Variants in CALN1 observed in about 807,000 individuals in gnomAD.
The protein encoded by CALN1 is calneuron 1.
CALN1 carries 17 observed loss-of-function variants against 30.6 expected under a neutral mutation model. The ratio of observed to expected loss-of-function variants is 0.56; its 90% CI spans 0.38 to 0.83. The LOEUF (loss-of-function observed/expected upper bound fraction) is 0.83, where lower values mean the gene tolerates loss of function less well. Among genes scored for constraint, CALN1 ranks in the 40% least tolerant of loss-of-function variants. CALN1 has a pLI of 0.00. For missense variants in CALN1, 291 were observed against 354.9 expected (o/e 0.82, Z 1.45); for synonymous variants, 156 against 131.4 (o/e 1.19, Z -1.28).
chr7:72,338,193 C>T (rs1159448472), intron 2 of CALN1, among the ~76,000 whole-genome samples: 1 of 152,170 alleles, frequency 6.6e-6, no homozygotes, highest in Admixed American at 6.5e-5. Context: ...GAAAGAGCAA[C>T]AAACCTGGCC....
intron 2 of CALN1, among the ~76,000 whole-genome samples, chr7:72,352,388 C>CAAAAAAAA: frequency 1.2e-5 from 1 of 82,032 alleles, no homozygotes; most frequent in Non-Finnish European, 2.2e-5. Flanking sequence ...GACTCTGTCT[C>CAAAAAAAA]AAAAAAAAAA....
At chr7:72,447,231 T>A (rs1271438501), upstream of CALN1, 1 of 152,480 alleles carries the variant, frequency 6.6e-6, no homozygotes, top group Non-Finnish European at 1.5e-5. Flanking sequence ...GAGTCCCAAT[T>A]TGAAGGGTGC....
chr7:72,411,034 G>A (rs866293230), intron 1 of CALN1, among the ~76,000 whole-genome samples: 5 of 152,118 alleles, frequency 3.3e-5, no homozygotes, highest in Non-Finnish European at 4.4e-5. Flanking sequence ...AATAATAGGT[G>A]AATTTAGTAA....
chr7:71,920,664 C>T (rs1794899384), intron 5 of CALN1, among the ~76,000 whole-genome samples: 1 of 152,100 alleles, frequency 6.6e-6, no homozygotes, highest in Non-Finnish European at 1.5e-5. Context: ...GGACAGTTTC[C>T]TCAGTTGTAA....
rs1412200030 is a variant in CALN1, at chr7:72,107,485, T to C, written c.245-1191A>G. On this transcript the variant is annotated intron_variant, in intron 3 of 6. Coordinates refer to ENST00000395275, the MANE Select transcript of CALN1 (RefSeq NM_031468.4). ...GACTCTGCGGTCAGCAAGGGCTGTT[T>C]CACTTGGCAGGCAATCTCTCCTCTT... Among the ~76,000 whole-genome samples, 9 of 152,246 alleles carry C rather than the reference T, an allele frequency of 5.9e-5. No homozygotes were observed. In the East Asian group the frequency reaches 1.5e-3, roughly 26 times the overall value.
intron 2 of CALN1, among the ~76,000 whole-genome samples, chr7:72,344,668 A>T (rs960051056): frequency 6.8e-6 from 1 of 146,862 alleles, no homozygotes; most frequent in African/African-American, 2.5e-5. Context: ...ATAAATATAT[A>T]TTTTATTTAT....
At chr7:71,839,913 C>T (rs903535390) in intron 5 of CALN1, among the ~76,000 whole-genome samples, 3 of 152,132 alleles carry the variant, frequency 2.0e-5, no homozygotes, top group African/African-American at 7.2e-5. Flanking sequence ...AGGTGGACCC[C>T]TCTCTCTATG....
intron 4 of CALN1, among the ~76,000 whole-genome samples, chr7:72,076,783 G>C (rs1804775569): frequency 6.6e-6 from 1 of 152,008 alleles, no homozygotes; most frequent in African/African-American, 2.4e-5. Flanking sequence ...ACCAATTCCA[G>C]GTTGGGTGAA....
chr7:72,065,178 C>T (rs1803938544), intron 4 of CALN1, among the ~76,000 whole-genome samples: 1 of 149,592 alleles, frequency 6.7e-6, no homozygotes. Flanking sequence ...ATTTTAATGA[C>T]CTTTATCACC....
At chr7:72,403,982 T>C (rs537440127) in intron 1 of CALN1, among the ~76,000 whole-genome samples, 2 of 152,294 alleles carry the variant, frequency 1.3e-5, no homozygotes, top group South Asian at 4.1e-4. Context: ...GCATCCAAGA[T>C]GGCATCCCAT....
intron 2 of CALN1, among the ~76,000 whole-genome samples, chr7:72,393,562 G>A (rs4415209): frequency 0.59 from 89,242 of 151,992 alleles, 27,950 homozygotes; most frequent in African/African-American, 0.81. Context: ...ATAAAGCAAG[G>A]AGGACACTGC....
At chr7:72,156,094 A>G (rs950838791) in intron 3 of CALN1, among the ~76,000 whole-genome samples, 12 of 152,142 alleles carry the variant, frequency 7.9e-5, no homozygotes, top group Admixed American at 3.3e-4. Context: ...ACATCTTTGC[A>G]GGGGCCATCA....
At chr7:72,209,949 C>G (rs930456729) in intron 3 of CALN1, among the ~76,000 whole-genome samples, 1 of 152,108 alleles carries the variant, frequency 6.6e-6, no homozygotes, top group Non-Finnish European at 1.5e-5. Context: ...ATACTTCAAT[C>G]AAAAGTTCTA....
chr7:72,245,209 C>T (rs1311211153), intron 3 of CALN1, among the ~76,000 whole-genome samples: 1 of 152,180 alleles, frequency 6.6e-6, no homozygotes, highest in Non-Finnish European at 1.5e-5. Context: ...GCAGGCAGCC[C>T]AGCCCCGCCC....
chr7:71,982,099 G>A (rs1798429295), intron 5 of CALN1, among the ~76,000 whole-genome samples: 1 of 151,920 alleles, frequency 6.6e-6, no homozygotes, highest in South Asian at 2.1e-4. Flanking sequence ...TGTGATTATC[G>A]ACTGGCTGTT....
intron 2 of CALN1, among the ~76,000 whole-genome samples, chr7:72,305,673 A>T (rs1799598032): frequency 6.6e-6 from 1 of 152,220 alleles, no homozygotes; most frequent in South Asian, 2.1e-4. Context: ...AGAGTTCTCT[A>T]GAACAGCACT....
chr7:72,061,275 G>A (rs1464968633), intron 4 of CALN1, among the ~76,000 whole-genome samples: 2 of 152,136 alleles, frequency 1.3e-5, no homozygotes, highest in Admixed American at 6.6e-5. Flanking sequence ...AATTTGACCT[G>A]TATAAGAAAA....
Position 72,278,725 on chromosome 7 carries a change from T to G in CALN1, c.205A>C (p.Ser69Arg), listed in dbSNP as rs1047500611. ...ACGGAGATATTAGCCAGCTGTTCGC[T>G]GTCACTGCCAGCAGAGAGCGATCGG... ...LNRSLSAGSD[S>R]EQLANISVEE... Residue 69 changes from serine (S) to arginine (R), a missense_variant, in exon 3 of 7, where the codon AGC becomes CGC. Ser to Arg is a moderately radical substitution (Grantham distance 110). Around this residue, in one of 2 missense-constraint regions of CALN1, gnomAD observed 122 missense variants for 103.2 expected, o/e 1.18. Transcript: ENST00000395275. 6.2e-6 allele frequency: 10 copies of G among 1,614,022 alleles called. No individual in the cohort carries two copies. The highest frequency in any genetic ancestry group is 8.5e-6 in the Non-Finnish European group (10 of 1,179,896).
intron 3 of CALN1, among the ~76,000 whole-genome samples, chr7:72,125,285 G>A (rs988526078): frequency 2.6e-5 from 4 of 152,174 alleles, no homozygotes; most frequent in Non-Finnish European, 5.9e-5. Context: ...AAAATGCTGG[G>A]ATTACAGGCG....
Sources: gnomAD v4.1 joint callset for allele counts (sites outside exome capture counted in the v4.1 genomes callset) on GRCh38, gnomAD v4.1.1 for gene constraint, gnomAD v4.1.1 regional missense constraint, MANE v1.5 for transcripts, NCBI Gene and HGNC (gene_info 2026-07-23, HGNC 2026-07-21) for gene names.